Variants in LAMB4 observed in about 807,000 individuals in gnomAD.
The protein encoded by LAMB4 is laminin subunit beta 4.
A neutral mutation model predicts 199.2 loss-of-function variants in LAMB4; 196 were observed. The ratio of observed to expected loss-of-function variants is 0.98; its 90% CI spans 0.88 to 1.11. The LOEUF is 1.11. LAMB4 is among the 50% of genes least tolerant of loss of function. LAMB4 has a pLI of 0.00. For synonymous variants in LAMB4, 744 were observed against 770.6 expected (o/e 0.97, Z 0.57); for missense variants, 2,080 against 2,171.2 (o/e 0.96, Z 0.83).
At chr7:108,020,113 G>A (rs1034254323), downstream of LAMB4, among the ~76,000 whole-genome samples, 6 of 151,946 alleles carry the variant, frequency 3.9e-5, no homozygotes, top group Non-Finnish European at 5.9e-5. Context: ...ATTCCATCCC[G>A]ACTTCTTCAC....
chr7:108,109,760 G>A (rs1047983246), intron 4 of LAMB4, among the ~76,000 whole-genome samples: 1 of 152,170 alleles, frequency 6.6e-6, no homozygotes, highest in African/African-American at 2.4e-5. Flanking sequence ...GGCTGAGGCG[G>A]TGGTAGAGGT....
intron 2 of LAMB4, 101 bp downstream of exon 2, chr7:108,123,030 C>T (rs947462786): frequency 8.9e-6 from 9 of 1,007,462 alleles, no homozygotes; most frequent in Non-Finnish European, 1.3e-5. Flanking sequence ...CATAAGCATA[C>T]AGCACTATAG....
At chr7:108,083,108 T>C (rs2037020989) in intron 14 of LAMB4, among the ~76,000 whole-genome samples, 2 of 152,236 alleles carry the variant, frequency 1.3e-5, no homozygotes, top group Non-Finnish European at 2.9e-5. Flanking sequence ...TTGATGTTTC[T>C]ACATTGTCTG....
At position 108,078,316 on chromosome 7, in the gene LAMB4, A is replaced by T. The variant is rs145995183; in HGVS notation, c.1888T>A (p.Ser630Thr). The T allele has an allele frequency of 9.2e-5, 146 of 1,581,008 alleles. No individual in the cohort carries two copies. The African/African-American group carries it at 1.9e-3, about 20-fold the overall frequency. Residue 630 changes from serine to threonine, a missense_variant and splice_region_variant, in exon 16 of 34, where the codon TCT becomes ACT. By Grantham distance (58) the Ser-to-Thr change is moderately conservative. Transcript: ENST00000388781. ...ATCTGGACAGTCCAGTCAGCTGCAG[A>T]CTAGACAGGCATGACATTAAGGCAT... is the stretch of plus-strand genomic sequence containing the variant. ...FTIAIHYETQ[S>T]AADWTVQIVV...
Position 108,023,913 on chromosome 7 carries a change from T to C in LAMB4, c.*126A>G, listed in dbSNP as rs2150474503. ...CCAGCCACACTGAGCAGGTGTCTAATAAGGACAGGGTGTGGGGAAGGAAGG... is the reference window on the plus strand; with the variant it reads ...CCAGCCACACTGAGCAGGTGTCTAACAAGGACAGGGTGTGGGGAAGGAAGG... On this transcript the variant is annotated 3_prime_UTR_variant, in exon 34 of 34. Transcript: ENST00000388781. 1.5e-6 allele frequency: 1 copy of C among 671,180 alleles called. No homozygotes were observed. The highest frequency in any genetic ancestry group is 2.3e-6 in the Non-Finnish European group (1 of 440,078). 41.6% of individuals were successfully genotyped at this position (671,180 alleles called of 1,614,324 possible).
chr7:108,102,953 G>C lies in LAMB4; in HGVS notation c.1180+91C>G, dbSNP rs1004162362. 7.9e-6 allele frequency: 9 copies of C among 1,141,628 alleles called. No individual in the cohort carries two copies. The African/African-American group carries it at 1.1e-4, about 14-fold the overall frequency. 70.7% of individuals were successfully genotyped at this position (1,141,628 alleles called of 1,614,324 possible). A position where few individuals can be genotyped will look rare whatever the true frequency, so the allele number is the denominator to read the frequency against. ...CAAAATAGGGTAGTTTGGAGATGCC[G>C]TTAAGCAGATAAGGTGCGGGCAGCC... On this transcript the variant is annotated intron_variant, in intron 10 of 33. Coordinates refer to ENST00000388781, the MANE Select transcript of LAMB4 (RefSeq NM_007356.3).
chr7:108,127,728 C>T (rs566750534), intron 1 of LAMB4, among the ~76,000 whole-genome samples: 28 of 152,294 alleles, frequency 1.8e-4, no homozygotes, highest in Non-Finnish European at 3.7e-4. Flanking sequence ...CTGATGAACG[C>T]TCAAGTTTGA....
At chr7:108,099,914 T>TG (rs1392283752) in intron 10 of LAMB4, among the ~76,000 whole-genome samples, 1 of 152,218 alleles carries the variant, frequency 6.6e-6, no homozygotes, top group African/African-American at 2.4e-5. Context: ...TGACTTACTA[T>TG]GAAAAAATAG....
At chr7:108,112,006 A>C (rs2038244456) in intron 3 of LAMB4, 60 bp from the exon 4 acceptor site, 3 of 1,388,846 alleles carry the variant, frequency 2.2e-6, no homozygotes, top group Admixed American at 4.0e-5. Flanking sequence ...TGTTGGGCTA[A>C]ATTAAAGGCA....
intron 1 of LAMB4, among the ~76,000 whole-genome samples, chr7:108,125,054 A>T (rs2038729083): frequency 6.6e-6 from 1 of 152,188 alleles, no homozygotes; most frequent in Non-Finnish European, 1.5e-5. Context: ...CTGGAAAGTG[A>T]CTCACTGAGA....
intron 5 of LAMB4, among the ~76,000 whole-genome samples, chr7:108,108,250 C>T (rs886652379): frequency 1.3e-5 from 2 of 152,192 alleles, no homozygotes; most frequent in African/African-American, 4.8e-5. Flanking sequence ...TTAAAATCTA[C>T]TACACAATAC....
chr7:108,042,646 T>C (rs1563039916), intron 29 of LAMB4, among the ~76,000 whole-genome samples: 3 of 152,226 alleles, frequency 2.0e-5, no homozygotes, highest in African/African-American at 7.2e-5. Flanking sequence ...TTGTCAAAGG[T>C]AATTTCCACC....
intron 25 of LAMB4, among the ~76,000 whole-genome samples, chr7:108,052,616 G>A (rs1431883357): frequency 6.6e-6 from 1 of 152,154 alleles, no homozygotes; most frequent in Non-Finnish European, 1.5e-5. Flanking sequence ...GGAGCTTTTG[G>A]CTTTCAACAT....
chr7:108,110,065 T>C (rs755515568), intron 4 of LAMB4, among the ~76,000 whole-genome samples: 1 of 152,264 alleles, frequency 6.6e-6, no homozygotes, highest in Admixed American at 6.5e-5. Context: ...AGTCTCGCTC[T>C]GTCCCCCAGA....
intron 17 of LAMB4, among the ~76,000 whole-genome samples, chr7:108,074,358 A>ATATTT (rs1211717126): frequency 1.3e-5 from 2 of 152,070 alleles, no homozygotes; most frequent in South Asian, 2.1e-4. Context: ...ATTGAATGCA[A>ATATTT]TATTTTATTT....
chr7:108,025,825 G>A (rs967768189), intron 33 of LAMB4, among the ~76,000 whole-genome samples: 22 of 152,148 alleles, frequency 1.4e-4, no homozygotes, highest in East Asian at 1.9e-4. Context: ...GTTTGTACCC[G>A]GAAAGTTAAT....
intron 12 of LAMB4, among the ~76,000 whole-genome samples, chr7:108,094,052 T>C (rs1351656913): frequency 6.6e-6 from 1 of 152,158 alleles, no homozygotes; most frequent in African/African-American, 2.4e-5. Context: ...CAGAGAGATG[T>C]GGATGTGGAG....
intron 21 of LAMB4, among the ~76,000 whole-genome samples, chr7:108,064,871 C>T (rs2036280481): frequency 6.6e-6 from 1 of 151,210 alleles, no homozygotes; most frequent in Non-Finnish European, 1.5e-5. Flanking sequence ...AACATTCACA[C>T]TCATGTTTCA....
intron 26 of LAMB4, among the ~76,000 whole-genome samples, chr7:108,050,668 C>T (rs1052813102): frequency 6.6e-6 from 1 of 152,172 alleles, no homozygotes; most frequent in African/African-American, 2.4e-5. Flanking sequence ...CACACCTTAT[C>T]TTTCAAACTT....
Sources: gnomAD v4.1 joint callset for allele counts (sites outside exome capture counted in the v4.1 genomes callset) on GRCh38, gnomAD v4.1.1 for gene constraint, MANE v1.5 for transcripts, NCBI Gene and HGNC (gene_info 2026-07-23, HGNC 2026-07-21) for gene names.